RETSAT: variants seen among roughly 807,000 people sequenced by gnomAD.
RETSAT encodes retinol saturase.
RETSAT carries 35 observed loss-of-function variants against 61.6 expected under a neutral mutation model. That is an observed-to-expected ratio of 0.57 (90% CI 0.43 to 0.75). The LOEUF is 0.75. RETSAT is among the 30% of genes least tolerant of loss of function. The pLI, the probability that RETSAT is intolerant of heterozygous loss-of-function variation, is 0.00. For synonymous variants in RETSAT, 277 were observed against 310.4 expected (o/e 0.89, Z 1.13); for missense variants, 670 against 759.5 (o/e 0.88, Z 1.38).
At chr2:85,351,592 A>G in intron 2 of RETSAT, 88 bp downstream of exon 2, 1 of 1,319,748 alleles carries the variant, frequency 7.6e-7, no homozygotes, top group African/African-American at 1.5e-5. Context: ...CCAAAACAAC[A>G]GAAATGCTCA....
Position 85,343,366 on chromosome 2 carries a change from GT to G in RETSAT, c.1708del (p.Thr570ProfsTer19). Reference sequence around the variant, plus strand: ...TTGCAGGGCCCCGACCAGTCCACAGGTGAAGATATCCTGGCCTAGGAGGCAA... The same window carrying G: ...TTGCAGGGCCCCGACCAGTCCACAGGGAAGATATCCTGGCCTAGGAGGCAA... ...NLYLTGQDIFTCGLVGALQGA... is the reference protein window; with the variant it reads ...NLYLTGQDIFXCGLVGALQGA... On this transcript the variant is annotated frameshift_variant, in exon 11 of 11. Coordinates refer to ENST00000295802, the MANE Select transcript of RETSAT (RefSeq NM_017750.4). LOFTEE classifies it high-confidence loss of function. 6.2e-7 allele frequency: 1 copy of G among 1,613,428 alleles called. No individual in the cohort carries two copies. The highest frequency in any genetic ancestry group is 8.5e-7 in the Non-Finnish European group (1 of 1,179,598).
intron 3 of RETSAT, 145 bp downstream of exon 3, chr2:85,350,635 G>A (rs1357200242): frequency 5.3e-6 from 5 of 936,500 alleles, no homozygotes; most frequent in African/African-American, 5.0e-5. Context: ...ATGGACTTGG[G>A]TGGAGGCTGA....
chr2:85,342,700 C>A lies in RETSAT; in HGVS notation c.*542G>T, dbSNP rs1436473108. The stretch of plus-strand genomic sequence containing the variant: ...CTGTCCCCTGAAGAGCCACTGAACC[C>A]AGCACAAAAGAGATCTAGAGCTCTC... On this transcript the variant is annotated 3_prime_UTR_variant, in exon 11 of 11. Transcript: ENST00000295802. 1 of 153,358 alleles carries A rather than the reference C, an allele frequency of 6.5e-6. No homozygotes were observed. The highest frequency in any genetic ancestry group is 2.4e-5 in the African/African-American group (1 of 41,382). 9.5% of individuals were successfully genotyped at this position (153,358 alleles called of 1,614,324 possible).
rs71337786 is a variant in RETSAT at position 85,343,265 on chromosome 2, G to A, written c.1810C>T (p.Arg604Trp). The change falls in exon 11 of 11, where the codon CGG becomes TGG. Residue 604 changes from arginine to tryptophan, a missense_variant. By Grantham distance (101) the Arg-to-Trp change is moderately radical (BLOSUM62 -3). Coordinates refer to ENST00000295802, the MANE Select transcript of RETSAT (RefSeq NM_017750.4). ...AACTAATTCTTTTTCTTCTGTGCCCGGATCCTAGAATCAAGATTCTTAAGG... is the reference window on the plus strand; with the variant it reads ...AACTAATTCTTTTTCTTCTGTGCCCAGATCCTAGAATCAAGATTCTTAAGG... The part of the protein sequence containing the change: ...SDLKNLDSRI[R>W]AQKKKN 1.4e-5 allele frequency: 23 copies of A among 1,614,198 alleles called. No individual in the cohort carries two copies. The highest frequency in any genetic ancestry group is 5.3e-5 in the African/African-American group (4 of 75,080).
intron 2 of RETSAT, among the ~76,000 whole-genome samples, chr2:85,351,235 C>G (rs73945716): frequency 0.034 from 5,188 of 152,192 alleles, 237 homozygotes; most frequent in African/African-American, 0.1. Context: ...CATAAGAAAA[C>G]TGCCCAGAGG....
At position 85,344,258 on chromosome 2, in the gene RETSAT, G is replaced by C. The variant is rs1558681461; in HGVS notation, c.1347C>G (p.Thr449=). The change falls in exon 8 of 11, where the codon ACC becomes ACG. Residue 449 remains threonine, a synonymous_variant. Coordinates refer to ENST00000295802, the MANE Select transcript of RETSAT (RefSeq NM_017750.4). The part of the protein sequence containing the change: ...FFAFPSAKDP[T]WEDRFPGRST... ...CCCCACCTGGGAATCGGTCCTCCCA[G>C]GTCGGATCTTTGGCTGATGGGAAAG... The C allele has an allele frequency of 6.2e-7, 1 of 1,614,038 alleles. No homozygotes were observed. The highest frequency in any genetic ancestry group is 8.5e-7 in the Non-Finnish European group (1 of 1,180,026).
chr2:85,349,832 T>C (rs915011631), intron 4 of RETSAT: 33 of 631,836 alleles, frequency 5.2e-5, no homozygotes, highest in African/African-American at 3.9e-4. Flanking sequence ...GTTGCTTGAA[T>C]TGAAAAATCA....
In RETSAT at chr2:85,342,576, A is replaced by T. The variant is rs142113554; in HGVS notation, c.*666T>A. ...AGGAAGACAGACCCGGGACTTCCAT[A>T]TGAATTGGATATGATCATCTGACAT... On this transcript the variant is annotated 3_prime_UTR_variant, in exon 11 of 11. Transcript: ENST00000295802. The T allele has an allele frequency of 6.6e-6, 1 of 152,470 alleles. No homozygotes were observed. The highest frequency in any genetic ancestry group is 2.4e-5 in the African/African-American group (1 of 41,434). The allele number at this position is 152,470 out of a possible 1,614,324, so 9.4% of individuals were successfully genotyped here. A position where few individuals can be genotyped will look rare whatever the true frequency, so the allele number is the denominator to read the frequency against.
At chr2:85,348,763 T>C (rs1025607482) in intron 5 of RETSAT, among the ~76,000 whole-genome samples, 1 of 151,932 alleles carries the variant, frequency 6.6e-6, no homozygotes, top group Non-Finnish European at 1.5e-5. Flanking sequence ...TCCTTTCTTT[T>C]TTTTTGAGAT....
At chr2:85,348,630 C>CAAAAAAA (rs11400450) in intron 5 of RETSAT, among the ~76,000 whole-genome samples, 24 of 43,870 alleles carry the variant, frequency 5.5e-4, no homozygotes, top group Non-Finnish European at 7.7e-4. Context: ...GACTCCAACT[C>CAAAAAAA]AAAAAAAAAA....
Position 85,351,733 on chromosome 2 carries a change from T to G in RETSAT, c.302A>C (p.Lys101Thr). The G allele has an allele frequency of 6.2e-7, 1 of 1,614,170 alleles. No individual in the cohort carries two copies. The highest frequency in any genetic ancestry group is 8.5e-7 in the Non-Finnish European group (1 of 1,180,024). ...AAAGGTATGACAGCAGCCCCCTGCCTTGGTATGTTGTTCCAGCACCAGGAC... is the reference window on the plus strand; with the variant it reads ...AAAGGTATGACAGCAGCCCCCTGCCGTGGTATGTTGTTCCAGCACCAGGAC... ...KRVLVLEQHT[K>T]AGGCCHTFGK... The change falls in exon 2 of 11, where the codon AAG becomes ACG. Residue 101 changes from lysine to threonine, a missense_variant. Lys to Thr is a moderately conservative substitution (Grantham distance 78, BLOSUM62 -1). Coordinates refer to ENST00000295802, the MANE Select transcript of RETSAT (RefSeq NM_017750.4).
At chr2:85,352,364 C>T (rs1318281732) in intron 1 of RETSAT, among the ~76,000 whole-genome samples, 12 of 151,802 alleles carry the variant, frequency 7.9e-5, no homozygotes, top group Admixed American at 7.9e-4. Context: ...CTGCTTCAGC[C>T]TCCCGAGTAG....
chr2:85,345,905 G>A (rs1683190544), intron 6 of RETSAT, 70 bp downstream of exon 6: 2 of 1,604,934 alleles, frequency 1.2e-6, no homozygotes, highest in Non-Finnish European at 1.7e-6. Flanking sequence ...GACCCACACG[G>A]AGCAGGTTGG....
intron 7 of RETSAT, 108 bp downstream of exon 7, chr2:85,344,486 G>A (rs1409454709): frequency 4.5e-6 from 7 of 1,549,622 alleles, no homozygotes; most frequent in Non-Finnish European, 6.2e-6. Flanking sequence ...AAACTTCCAG[G>A]AGCAAATTAG....
Position 85,343,395 on chromosome 2 carries a change from G to T in RETSAT, c.1694-14C>A, listed in dbSNP as rs1683121498. The T allele has an allele frequency of 6.2e-7, 1 of 1,608,738 alleles. No homozygotes were observed. The highest frequency in any genetic ancestry group is 1.1e-5 in the South Asian group (1 of 90,892). ...AGATATCCTGGCCTAGGAGGCAAGAGCAGAGGCCCCTGAGCGTGCACCCAG... is the reference window on the plus strand; with the variant it reads ...AGATATCCTGGCCTAGGAGGCAAGATCAGAGGCCCCTGAGCGTGCACCCAG... On this transcript the variant is annotated splice_polypyrimidine_tract_variant and intron_variant, in intron 10 of 10. Coordinates refer to ENST00000295802, the MANE Select transcript of RETSAT (RefSeq NM_017750.4).
intron 5 of RETSAT, among the ~76,000 whole-genome samples, chr2:85,347,169 T>C (rs1163725394): frequency 6.6e-6 from 1 of 152,096 alleles, no homozygotes; most frequent in Non-Finnish European, 1.5e-5. Context: ...AGGCTTCCCC[T>C]GTTCCACCGT....
At chr2:85,351,659 C>A in intron 2 of RETSAT, 21 bp downstream of exon 2, 2 of 1,608,476 alleles carry the variant, frequency 1.2e-6, no homozygotes, top group Non-Finnish European at 1.7e-6. Context: ...TGCTCCCAAC[C>A]CTTTTCCACA....
In RETSAT at chr2:85,344,627, T is replaced by C. The variant is rs1413684051; in HGVS notation, c.1223A>G (p.Tyr408Cys). 1 of 1,614,088 alleles carries C rather than the reference T, an allele frequency of 6.2e-7. No individual in the cohort carries two copies. Among genetic ancestry groups the C allele is most frequent in the Admixed American group, 1.7e-5 (1 of 59,998 alleles). Residue 408 changes from tyrosine to cysteine, a missense_variant, in exon 7 of 11, where the codon TAC (tyrosine) becomes TGC (cysteine). Transcript: ENST00000295802. ...CATGTCCGTGTCATAGTAAACATAGTAGTTGGTGGACGGCAGATGCAGGTC... is the reference window on the plus strand; with the variant it reads ...CATGTCCGTGTCATAGTAAACATAGCAGTTGGTGGACGGCAGATGCAGGTC... ...KEDLHLPSTN[Y>C]YVYYDTDMDQ...
chr2:85,350,350 C>G, intron 3 of RETSAT, 109 bp from the exon 4 acceptor site: 1 of 762,550 alleles, frequency 1.3e-6, no homozygotes, highest in Non-Finnish European at 2.2e-6. Flanking sequence ...TTACCCCTGA[C>G]TGAACTTTGC....
Sources: gnomAD v4.1 joint callset for allele counts (sites outside exome capture counted in the v4.1 genomes callset) on GRCh38, gnomAD v4.1.1 for gene constraint, MANE v1.5 for transcripts, NCBI Gene and HGNC (gene_info 2026-07-23, HGNC 2026-07-21) for gene names.